The following DOCK10 variants were observed in gnomAD, a reference collection of about 807,000 sequenced individuals.
The protein encoded by DOCK10 is dedicator of cytokinesis protein 10.
In DOCK10, 145 loss-of-function variants were observed where a neutral mutation model predicts 280.1. The ratio of observed to expected loss-of-function variants is 0.52; its 90% CI spans 0.45 to 0.59. DOCK10 has a LOEUF of 0.59. Among genes scored for constraint, DOCK10 ranks in the 20% least tolerant of loss-of-function variants. The pLI is 0.00. For missense variants in DOCK10, 2,368 were observed against 2,651.7 expected (o/e 0.89, Z 2.35); for synonymous variants, 915 against 942.2 (o/e 0.97, Z 0.53).
intron 30 of DOCK10, among the ~76,000 whole-genome samples, chr2:224,815,093 ATTTG>A (rs1694039730): frequency 6.6e-6 from 1 of 152,052 alleles, no homozygotes; most frequent in African/African-American, 2.4e-5. Context: ...GTGGGAGGTG[ATTTG>A]ATCATGGGGA....
rs199685603 is a variant in DOCK10 at position 224,849,557 on chromosome 2, C to A, written c.2185G>T (p.Ala729Ser). The A allele has an allele frequency of 4.3e-6, 7 of 1,611,774 alleles. No homozygotes were observed. In the African/African-American group the frequency reaches 6.7e-5, roughly 15 times the overall value. Residue 729 changes from alanine (A) to serine (S), a missense_variant, in exon 19 of 56, where the codon GCC becomes TCC. Physicochemically the swap from Ala to Ser is moderately conservative, Grantham distance 99. This residue lies in a region of DOCK10 where 1,209 missense variants were observed against 1,250.9 expected (regional missense o/e 0.97). Transcript: ENST00000258390. ...GAGTGGTGCAGAACTGCTGTGTAGG[C>A]GGCTGAGGTGAAGAGGGGCCCTCCA... ...KPGGPLFTSA[A>S]YTAVLHHSQN...
intron 28 of DOCK10, among the ~76,000 whole-genome samples, chr2:224,820,996 T>C (rs1694470583): frequency 3.3e-5 from 5 of 152,238 alleles, no homozygotes; most frequent in South Asian, 2.1e-4. Context: ...TAAATAGGTA[T>C]GTTCAGATAA....
At chr2:224,809,033 A>G (rs974385468) in intron 31 of DOCK10, among the ~76,000 whole-genome samples, 2 of 152,154 alleles carry the variant, frequency 1.3e-5, no homozygotes, top group Admixed American at 1.3e-4. Flanking sequence ...AGCCTGAATT[A>G]TAGGGAAAAG....
At chr2:224,874,524 T>C (rs1698504173) in intron 9 of DOCK10, 142 bp downstream of exon 9, 4 of 947,190 alleles carry the variant, frequency 4.2e-6, no homozygotes, top group Admixed American at 2.2e-5. Context: ...TGTATGTTAA[T>C]GAAAACACAT....
chr2:224,881,859 T>A (rs183367710), intron 7 of DOCK10, among the ~76,000 whole-genome samples: 1 of 152,368 alleles, frequency 6.6e-6, no homozygotes, highest in East Asian at 1.9e-4. Flanking sequence ...TGACTTGCTT[T>A]CTGTAGGCAG....
chr2:224,852,525 T>C (rs1696814545), intron 17 of DOCK10, 83 bp from the exon 18 acceptor site: 8 of 1,031,602 alleles, frequency 7.8e-6, no homozygotes, highest in African/African-American at 1.6e-5. Context: ...ATAAGTAGCT[T>C]CTAATTAATC....
intron 1 of DOCK10, among the ~76,000 whole-genome samples, chr2:224,954,372 A>G (rs558258774): frequency 1.3e-5 from 2 of 152,342 alleles, no homozygotes; most frequent in African/African-American, 4.8e-5. Flanking sequence ...TTAGTGTGAT[A>G]TTTAGAAAAT....
In DOCK10 at chr2:224,946,762, A is replaced by G. The variant is rs115749004; in HGVS notation, c.124-15094T>C. 2.4e-3 allele frequency: 2,437 copies of G among 1,017,136 alleles called. 31 individuals carry two copies. In the African/African-American group the frequency reaches 0.027, roughly 11 times the overall value. 63.0% of individuals were successfully genotyped at this position (1,017,136 alleles called of 1,614,324 possible). A position where few individuals can be genotyped will look rare whatever the true frequency, so the allele number is the denominator to read the frequency against. On this transcript the variant is annotated intron_variant, in intron 1 of 55. Coordinates refer to ENST00000258390, the MANE Select transcript of DOCK10 (RefSeq NM_014689.3). ...AAGACTTCACCCAGCAGCCTCTGCT[A>G]GAATACCACTGTAGAGCTAATCATT...
At chr2:224,965,436 A>G (rs1704682946) in intron 1 of DOCK10, among the ~76,000 whole-genome samples, 1 of 152,178 alleles carries the variant, frequency 6.6e-6, no homozygotes, top group Non-Finnish European at 1.5e-5. Context: ...TTTATCTCTG[A>G]GTATGATTCT....
At chr2:224,950,582 A>G (rs1301207255) in intron 1 of DOCK10, among the ~76,000 whole-genome samples, 1 of 152,210 alleles carries the variant, frequency 6.6e-6, no homozygotes, top group Admixed American at 6.5e-5. Context: ...GAGATGGGTA[A>G]TATGAGTGAG....
rs1559987151 is a variant in DOCK10, at chr2:225,035,588, AACACTGAATCAGTGT to A, written c.123+6649_123+6663del. Among the ~76,000 whole-genome samples the A allele has an allele frequency of 8.7e-3, 976 of 112,786 alleles. 30 individuals are homozygous for A. Among genetic ancestry groups the A allele is most frequent in the African/African-American group, 0.037 (907 of 24,640 alleles). 74.0% of individuals were successfully genotyped at this position (112,786 alleles called of 152,430 possible). On this transcript the variant is annotated intron_variant, in intron 1 of 55. Coordinates refer to ENST00000258390, the MANE Select transcript of DOCK10 (RefSeq NM_014689.3). Reference sequence around the variant, plus strand: ...TATATATATATATATATATATATATAACACTGAATCAGTGTTAATTGTGTGTTGTATTAGTCAGTG... The same window carrying A: ...TATATATATATATATATATATATATATAATTGTGTGTTGTATTAGTCAGTG...
Position 224,805,379 on chromosome 2 carries a change from G to A in DOCK10, c.3936+29C>T, listed in dbSNP as rs1433092904. The A allele has an allele frequency of 6.2e-7, 1 of 1,612,594 alleles. No individual in the cohort carries two copies. Among genetic ancestry groups the A allele is most frequent in the African/African-American group, 1.3e-5 (1 of 74,810 alleles). ...GAGTGAGTGACCTCTGCCTTGTAAT[G>A]ATCAGTAGGTTTGAGAGGGAAGTCA... On this transcript the variant is annotated intron_variant, in intron 35 of 55. Coordinates refer to ENST00000258390, the MANE Select transcript of DOCK10 (RefSeq NM_014689.3). This position sits in a 1 kb window ranked among gnomAD's most constrained non-coding sequence, Gnocchi z 4.3.
chr2:224,776,230 A>G (rs1690854094), intron 51 of DOCK10, among the ~76,000 whole-genome samples: 1 of 152,184 alleles, frequency 6.6e-6, no homozygotes, highest in African/African-American at 2.4e-5. Context: ...ATCCAGTCCC[A>G]GAGATTTGAG....
chr2:224,855,258 A>C (rs1333624549), intron 15 of DOCK10, among the ~76,000 whole-genome samples: 1 of 152,256 alleles, frequency 6.6e-6, no homozygotes, highest in Non-Finnish European at 1.5e-5. Flanking sequence ...ATAAAAATAC[A>C]AATCAGGGAG....
chr2:224,941,891 A>G (rs1703108951), intron 1 of DOCK10, among the ~76,000 whole-genome samples: 1 of 151,936 alleles, frequency 6.6e-6, no homozygotes. Context: ...ATGAAAAGGT[A>G]GATTTAAGGA....
intron 3 of DOCK10, among the ~76,000 whole-genome samples, chr2:224,899,541 CAAAGG>C (rs1700174953): frequency 6.6e-6 from 1 of 151,990 alleles, no homozygotes; most frequent in Non-Finnish European, 1.5e-5. Flanking sequence ...AAAAATAAAA[CAAAGG>C]AAAGGGGCTG....
At chr2:224,964,757 C>T (rs1317700014) in intron 1 of DOCK10, among the ~76,000 whole-genome samples, 2 of 152,162 alleles carry the variant, frequency 1.3e-5, no homozygotes, top group African/African-American at 4.8e-5. Context: ...GTAACATGCC[C>T]TCAAAAATGC....
intron 1 of DOCK10, among the ~76,000 whole-genome samples, chr2:224,991,180 A>G (rs1470371577): frequency 1.3e-5 from 2 of 152,314 alleles, no homozygotes; most frequent in East Asian, 1.9e-4. Context: ...AGACTCAGCC[A>G]TCTGATGGAG....
chr2:224,982,449 G>A (rs1705799572), intron 1 of DOCK10: 2 of 1,229,494 alleles, frequency 1.6e-6, no homozygotes, highest in Non-Finnish European at 1.0e-6. Flanking sequence ...CCTGAAAACA[G>A]CCTACACTGC....
Sources: gnomAD v4.1 joint callset for allele counts (sites outside exome capture counted in the v4.1 genomes callset) on GRCh38, gnomAD v4.1.1 for gene constraint, gnomAD v4.1.1 regional missense constraint, Gnocchi (gnomAD v3.1) non-coding constraint, MANE v1.5 for transcripts, NCBI Gene and HGNC (gene_info 2026-07-23, HGNC 2026-07-21) for gene names.